Variants in NTM observed in about 807,000 individuals in gnomAD.
The protein encoded by NTM is IgLON family member 2.
NTM carries 13 observed loss-of-function variants against 42.1 expected under a neutral mutation model. The observed-to-expected ratio is 0.31, with a 90% CI of 0.20 to 0.49. The LOEUF (loss-of-function observed/expected upper bound fraction) is 0.49, where lower values mean the gene tolerates loss of function less well. NTM is among the 20% of genes least tolerant of loss of function. The pLI is 0.99. For synonymous variants in NTM, 187 were observed against 179.2 expected, an observed-to-expected ratio of 1.04 and a Z score of -0.35; for missense variants, 373 against 452.8, an observed-to-expected ratio of 0.82 and a Z score of 1.60.
At chr11:132,004,634 TCA>T (rs1555214611) in intron 2 of NTM, among the ~76,000 whole-genome samples, 2,287 of 104,524 alleles carry the variant, frequency 0.022, 28 homozygotes, top group Admixed American at 0.035. Context: ...TCTCTCTCTC[TCA>T]CACACACACA....
chr11:131,795,478 G>C (rs373865382), intron 1 of NTM: 5 of 985,356 alleles, frequency 5.1e-6, no homozygotes, highest in East Asian at 1.1e-4. Flanking sequence ...ATGATACCTG[G>C]TTGCCTCCAA....
intron 4 of NTM, among the ~76,000 whole-genome samples, chr11:132,303,109 T>C (rs1396106127): frequency 6.6e-6 from 1 of 152,212 alleles, no homozygotes; most frequent in Non-Finnish European, 1.5e-5. Flanking sequence ...TTTTAAAGAC[T>C]AGATGAACTG....
At chr11:132,286,426 T>C (rs1430026057) in intron 4 of NTM, among the ~76,000 whole-genome samples, 1 of 152,082 alleles carries the variant, frequency 6.6e-6, no homozygotes, top group Non-Finnish European at 1.5e-5. Flanking sequence ...GATTGAAAGA[T>C]TCAAAGGAAG....
chr11:132,118,313 TC>T (rs1171270919), intron 2 of NTM, among the ~76,000 whole-genome samples: 1 of 152,176 alleles, frequency 6.6e-6, no homozygotes, highest in Non-Finnish European at 1.5e-5. Flanking sequence ...GAAAGCTATT[TC>T]CTCCTTAGGT....
chr11:131,685,130 G>A lies in NTM; in HGVS notation c.83-226434G>A, dbSNP rs2073661668. On this transcript the variant is annotated intron_variant, in intron 1 of 8. Coordinates refer to ENST00000683400, the MANE Select transcript of NTM (RefSeq NM_001352005.2). ...AGGTGTCATGTGTAATTGTTACAAAGCCCCTGGGAAGAGGGATTAATGGTG... is the reference window on the plus strand; with the variant it reads ...AGGTGTCATGTGTAATTGTTACAAAACCCCTGGGAAGAGGGATTAATGGTG... 2.0e-5 allele frequency among the ~76,000 whole-genome samples: 3 copies of A among 152,228 alleles called. No individual in the cohort carries two copies. The South Asian group carries it at 6.2e-4, about 31-fold the overall frequency.
chr11:131,748,457 A>G (rs1420470348), intron 1 of NTM, among the ~76,000 whole-genome samples: 1 of 152,218 alleles, frequency 6.6e-6, no homozygotes, highest in Non-Finnish European at 1.5e-5. Flanking sequence ...TTTTCTATTT[A>G]TATGTGAAAA....
intron 4 of NTM, among the ~76,000 whole-genome samples, chr11:132,256,324 G>C (rs1001231962): frequency 2.6e-5 from 4 of 152,172 alleles, no homozygotes; most frequent in African/African-American, 9.6e-5. Context: ...AATGAGCAAC[G>C]CCCATCACCC....
At chr11:131,793,265 C>T (rs1470201040) in intron 1 of NTM, among the ~76,000 whole-genome samples, 3 of 152,108 alleles carry the variant, frequency 2.0e-5, no homozygotes, top group African/African-American at 7.2e-5. Context: ...TTCATTGTTA[C>T]TATTAATGAT....
intron 1 of NTM, among the ~76,000 whole-genome samples, chr11:131,853,171 C>T (rs2045760725): frequency 6.6e-6 from 1 of 151,880 alleles, no homozygotes; most frequent in Non-Finnish European, 1.5e-5. Context: ...TAATTTGTGG[C>T]TCTTCCTTTA....
intron 7 of NTM, among the ~76,000 whole-genome samples, chr11:132,327,713 GA>G (rs781314614): frequency 6.6e-6 from 1 of 152,086 alleles, no homozygotes; most frequent in Non-Finnish European, 1.5e-5. Context: ...ATTGAATATT[GA>G]CTTAGAGATG....
intron 1 of NTM, among the ~76,000 whole-genome samples, chr11:131,384,905 G>T (rs1420199197): frequency 6.6e-6 from 1 of 152,228 alleles, no homozygotes; most frequent in Non-Finnish European, 1.5e-5. Flanking sequence ...TGGCTAGTGA[G>T]GTGTTCCCCA....
chr11:131,684,787 A>G lies in NTM; in HGVS notation c.83-226777A>G, dbSNP rs1245182447. On this transcript the variant is annotated intron_variant, in intron 1 of 8. Coordinates refer to ENST00000683400, the MANE Select transcript of NTM (RefSeq NM_001352005.2). ...TGGCCCTGGAGATGACCCGTGCAAG[A>G]TACAGGCTGGGCCAACTCCTTGGGA... is the stretch of plus-strand genomic sequence containing the variant. 1.4e-4 allele frequency among the ~76,000 whole-genome samples: 22 copies of G among 152,306 alleles called. No individual in the cohort carries two copies. In the East Asian group the frequency reaches 4.3e-3, roughly 29 times the overall value.
intron 2 of NTM, among the ~76,000 whole-genome samples, chr11:132,130,240 C>A (rs1324169055): frequency 6.6e-6 from 1 of 151,956 alleles, no homozygotes; most frequent in Non-Finnish European, 1.5e-5. Context: ...GAGGGAAAGA[C>A]AGTGAAGCCT....
At chr11:131,895,609 C>A (rs1278457674) in intron 1 of NTM, among the ~76,000 whole-genome samples, 2 of 152,016 alleles carry the variant, frequency 1.3e-5, no homozygotes, top group Admixed American at 1.3e-4. Context: ...TGTAGATACA[C>A]ATACACACAT....
chr11:132,126,817 C>A (rs1353949643), intron 2 of NTM, among the ~76,000 whole-genome samples: 1 of 152,164 alleles, frequency 6.6e-6, no homozygotes, highest in Admixed American at 6.5e-5. Context: ...TGTTTCTCTG[C>A]CAGCTGCCCC....
chr11:131,466,735 G>T (rs1951935469), intron 1 of NTM, among the ~76,000 whole-genome samples: 1 of 152,192 alleles, frequency 6.6e-6, no homozygotes, highest in African/African-American at 2.4e-5. Flanking sequence ...AATCACTACA[G>T]TTGTTGATAG....
intron 1 of NTM, among the ~76,000 whole-genome samples, chr11:131,480,739 G>C (rs905589970): frequency 1.8e-4 from 27 of 151,836 alleles, no homozygotes; most frequent in African/African-American, 6.5e-4. Flanking sequence ...GGAGGTAACC[G>C]TGGTCTTCCA....
At chr11:131,458,370 AG>A (rs1951090234) in intron 1 of NTM, among the ~76,000 whole-genome samples, 7 of 152,310 alleles carry the variant, frequency 4.6e-5, no homozygotes, top group Admixed American at 3.9e-4. Context: ...GCACATTTGG[AG>A]GGGAAAGCCC....
At chr11:131,605,405 T>A (rs1484326946) in intron 1 of NTM, among the ~76,000 whole-genome samples, 2 of 152,256 alleles carry the variant, frequency 1.3e-5, no homozygotes, top group Non-Finnish European at 2.9e-5. Flanking sequence ...ATTTATTGTG[T>A]ACCCCGCACA....
Sources: allele counts gnomAD v4.1 joint callset (sites outside exome capture counted in the v4.1 genomes callset), GRCh38; gene constraint gnomAD v4.1.1; transcripts MANE v1.5; gene names NCBI Gene and HGNC (gene_info 2026-07-23, HGNC 2026-07-21).